The following BPTF variants were observed in gnomAD, a reference collection of about 807,000 sequenced individuals.
The protein encoded by BPTF is nucleosome-remodeling factor subunit BPTF.
Under a neutral mutation model 292.5 loss-of-function variants are expected in BPTF, and 18 were observed. That is an observed-to-expected ratio of 0.06 (90% CI 0.04 to 0.09). The LOEUF (loss-of-function observed/expected upper bound fraction) is 0.09. Ranked by LOEUF, BPTF falls within the 10% of genes least tolerant of loss-of-function variation. The pLI, the probability that BPTF is intolerant of heterozygous loss-of-function variation, is 1.00. For synonymous variants in BPTF, 1,225 were observed against 1,251.9 expected (o/e 0.98, Z 0.45); for missense variants, 2,726 against 3,498.7 (o/e 0.78, Z 5.57).
chr17:67,848,017 C>G (rs1418638859), intron 1 of BPTF, among the ~76,000 whole-genome samples: 3 of 152,208 alleles, frequency 2.0e-5, no homozygotes, highest in African/African-American at 7.2e-5. Context: ...TGGAAATGAA[C>G]TTCCCCCTTC....
intron 27 of BPTF, among the ~76,000 whole-genome samples, chr17:67,976,719 GAAT>G (rs1386094927): frequency 2.8e-5 from 2 of 71,594 alleles, no homozygotes; most frequent in African/African-American, 1.0e-4. Context: ...AAAAAAATAA[GAAT>G]AAAAGAAGAA....
intron 27 of BPTF, chr17:67,981,550 A>G (rs1555696661): frequency 1.8e-6 from 2 of 1,086,110 alleles, no homozygotes; most frequent in Admixed American, 5.4e-5. Flanking sequence ...CCAAAAAGTC[A>G]GATTAGTTAA....
intron 7 of BPTF, among the ~76,000 whole-genome samples, chr17:67,894,908 T>G (rs2061344543): frequency 1.3e-5 from 2 of 152,186 alleles, no homozygotes; most frequent in South Asian, 4.1e-4. Flanking sequence ...ATTTTGTGAC[T>G]TGAATCTACT....
At chr17:67,852,587 C>T (rs917577912) in intron 1 of BPTF, among the ~76,000 whole-genome samples, 16 of 152,302 alleles carry the variant, frequency 1.1e-4, no homozygotes, top group African/African-American at 2.2e-4. Flanking sequence ...TTTACCACTA[C>T]TGAATTTGAT....
intron 9 of BPTF, among the ~76,000 whole-genome samples, chr17:67,907,420 G>T (rs1242557095): frequency 6.6e-6 from 1 of 150,412 alleles, no homozygotes; most frequent in Non-Finnish European, 1.5e-5. Context: ...CAGTGGCATG[G>T]TCTCAGCTCA....
intron 1 of BPTF, 49 bp from the exon 2 acceptor site, chr17:67,853,891 A>G (rs1184387485): frequency 4.2e-6 from 6 of 1,431,800 alleles, no homozygotes. Context: ...AAATTTGTAG[A>G]AATGATGTAA....
At chr17:67,925,717 CAT>C (rs914154263) in intron 15 of BPTF, among the ~76,000 whole-genome samples, 3 of 151,982 alleles carry the variant, frequency 2.0e-5, no homozygotes, top group African/African-American at 4.8e-5. Context: ...ATTTAAAAAT[CAT>C]ATATAAACCA....
intron 9 of BPTF, among the ~76,000 whole-genome samples, chr17:67,908,491 CT>C (rs34537462): frequency 0.47 from 45,864 of 97,260 alleles, 9,336 homozygotes; most frequent in South Asian, 0.6. Context: ...TCACTGACCA[CT>C]TTTTTTTTTT....
chr17:67,909,290 T>A (rs1366068130), intron 9 of BPTF, among the ~76,000 whole-genome samples: 9 of 106,552 alleles, frequency 8.4e-5, no homozygotes, highest in South Asian at 3.7e-4. Flanking sequence ...TTTTTTTTTT[T>A]ATCCTGCAGT....
Position 67,879,136 on chromosome 17 carries a change from CTTTTTTT to C in BPTF, c.1864+4127_1864+4133del, listed in dbSNP as rs58205471. Among the ~76,000 whole-genome samples the C allele has an allele frequency of 1.6e-4, 19 of 119,002 alleles. No homozygotes were observed. The South Asian group carries it at 2.2e-3, about 14-fold the overall frequency. 78.1% of individuals were successfully genotyped at this position (119,002 alleles called of 152,430 possible). The stretch of plus-strand genomic sequence containing the variant: ...TTTGTGGGGCTGTTGTTAATTATTT[CTTTTTTT>C]TTTTTTTTTTCTTTTTGAGATGGAG... On this transcript the variant is annotated intron_variant, in intron 4 of 27. Transcript: ENST00000306378.
At chr17:67,953,365 C>T (rs782178994) in intron 23 of BPTF, among the ~76,000 whole-genome samples, 19 of 151,604 alleles carry the variant, frequency 1.3e-4, no homozygotes, top group Non-Finnish European at 2.5e-4. Flanking sequence ...AAGCGATTCT[C>T]CTGCCTCAGC....
chr17:67,844,990 G>C (rs528371790), intron 1 of BPTF, among the ~76,000 whole-genome samples: 2 of 152,060 alleles, frequency 1.3e-5, no homozygotes, highest in Non-Finnish European at 2.9e-5. Flanking sequence ...TAATCCATCC[G>C]CCTCAGCCTC....
intron 17 of BPTF, among the ~76,000 whole-genome samples, chr17:67,930,994 C>T (rs757771109): frequency 2.7e-5 from 4 of 150,208 alleles, no homozygotes; most frequent in African/African-American, 9.8e-5. Context: ...GGGCCGGATG[C>T]GGTGGCTCAC....
At chr17:67,918,535 G>C (rs2063210892) in intron 11 of BPTF, among the ~76,000 whole-genome samples, 179 bp from the exon 12 acceptor site, 1 of 152,094 alleles carries the variant, frequency 6.6e-6, no homozygotes, top group South Asian at 2.1e-4. Context: ...GCCTATGAAT[G>C]AAGAAGTTTT....
chr17:67,833,809 C>T (rs1474138183), intron 1 of BPTF, among the ~76,000 whole-genome samples: 7 of 152,042 alleles, frequency 4.6e-5, no homozygotes, highest in African/African-American at 1.7e-4. Flanking sequence ...CTCAAGTGAT[C>T]CACCCGCCTT....
intron 18 of BPTF, among the ~76,000 whole-genome samples, chr17:67,932,244 C>T (rs573361756): frequency 6.6e-6 from 1 of 152,210 alleles, no homozygotes; most frequent in Admixed American, 6.5e-5. Flanking sequence ...ACAGAAATCA[C>T]TAATAAATAA....
intron 11 of BPTF, among the ~76,000 whole-genome samples, chr17:67,917,934 C>G (rs916829542): frequency 2.6e-5 from 4 of 152,158 alleles, no homozygotes; most frequent in South Asian, 2.1e-4. Context: ...GCCTCAGGCT[C>G]CCGAGTAGCT....
At chr17:67,863,039 G>A (rs1288653645) in intron 2 of BPTF, among the ~76,000 whole-genome samples, 2 of 152,108 alleles carry the variant, frequency 1.3e-5, no homozygotes, top group African/African-American at 4.8e-5. Context: ...ACCAAAAGTT[G>A]GGAGTTTTCC....
In BPTF at chr17:67,826,175, G is replaced by A. The variant is rs748401171; in HGVS notation, c.451G>A (p.Asp151Asn). Residue 151 changes from aspartate (D) to asparagine (N), a missense_variant, in exon 1 of 28, where the codon GAC becomes AAC. By Grantham distance (23) the Asp-to-Asn change is conservative. Around this residue, in one of 22 missense-constraint regions of BPTF, gnomAD observed 153 missense variants for 178.3 expected, o/e 0.86. Transcript: ENST00000306378. ...VSEEEEEEDG[D>N]AEETQDSEDD... ...CGAGGAGGAGGAGGAGGAGGACGGC[G>A]ACGCCGAGGAGACCCAGGATTCTGA... 30 of 1,595,820 alleles carry A rather than the reference G, an allele frequency of 1.9e-5. No individual in the cohort carries two copies. Among genetic ancestry groups the A allele is most frequent in the Admixed American group, 3.3e-5 (2 of 59,950 alleles).
Sources: gnomAD v4.1 joint callset for allele counts (sites outside exome capture counted in the v4.1 genomes callset) on GRCh38, gnomAD v4.1.1 for gene constraint, gnomAD v4.1.1 regional missense constraint, MANE v1.5 for transcripts, NCBI Gene and HGNC (gene_info 2026-07-23, HGNC 2026-07-21) for gene names.